The following WDFY4 variants were observed in gnomAD, a reference collection of about 807,000 sequenced individuals.
WDFY4 encodes the protein WDFY family member 4.
In WDFY4, 169 loss-of-function variants were observed where a neutral mutation model predicts 351.9. The observed-to-expected ratio is 0.48, with a 90% CI of 0.42 to 0.55. WDFY4 has a LOEUF of 0.55. Ranked by LOEUF, WDFY4 falls within the 20% of genes least tolerant of loss-of-function variation. The pLI is 0.00. For missense variants in WDFY4, 3,803 were observed against 3,935.6 expected, an observed-to-expected ratio of 0.97 and a Z score of 0.90; for synonymous variants, 1,622 against 1,574.6, an observed-to-expected ratio of 1.03 and a Z score of -0.71.
At chr10:48,905,490 A>G (rs897058005) in intron 47 of WDFY4, among the ~76,000 whole-genome samples, 1 of 152,092 alleles carries the variant, frequency 6.6e-6, no homozygotes, top group East Asian at 1.9e-4. Context: ...TTTATTTCCA[A>G]TGTGATTATT....
At chr10:48,906,305 G>A (rs1837613816) in intron 47 of WDFY4, among the ~76,000 whole-genome samples, 1 of 148,566 alleles carries the variant, frequency 6.7e-6, no homozygotes, top group Non-Finnish European at 1.5e-5. Context: ...CACACATACA[G>A]GAAAATCAGA....
intron 1 of WDFY4, among the ~76,000 whole-genome samples, chr10:48,691,451 T>A (rs2063193681): frequency 6.6e-6 from 1 of 152,132 alleles, no homozygotes; most frequent in Admixed American, 6.5e-5. Flanking sequence ...GCTGCTCTCC[T>A]GTCACGCTGC....
intron 1 of WDFY4, among the ~76,000 whole-genome samples, chr10:48,698,506 A>G (rs2063392463): frequency 6.6e-6 from 1 of 151,570 alleles, no homozygotes; most frequent in Non-Finnish European, 1.5e-5. Flanking sequence ...AGAGGCCTTC[A>G]CCCCACTTCT....
intron 21 of WDFY4, 82 bp from the exon 22 acceptor site, chr10:48,789,792 G>T (rs945961304): frequency 7.5e-7 from 1 of 1,339,674 alleles, no homozygotes; most frequent in Admixed American, 2.0e-5. Context: ...AGGCCCCAGA[G>T]GGCCTGCCCT....
intron 47 of WDFY4, among the ~76,000 whole-genome samples, chr10:48,922,966 G>T (rs1460808635): frequency 6.6e-6 from 1 of 152,140 alleles, no homozygotes; most frequent in Non-Finnish European, 1.5e-5. Context: ...CAGTGATGGT[G>T]GTTACATGAA....
chr10:48,866,755 C>A (rs1039232418), intron 39 of WDFY4, among the ~76,000 whole-genome samples: 1 of 152,166 alleles, frequency 6.6e-6, no homozygotes, highest in Non-Finnish European at 1.5e-5. Context: ...CCCATAAACA[C>A]GTATGTGAAT....
chr10:48,765,214 AC>A (rs2065630799), intron 13 of WDFY4, among the ~76,000 whole-genome samples: 1 of 152,230 alleles, frequency 6.6e-6, no homozygotes, highest in Admixed American at 6.5e-5. Flanking sequence ...CCATTCATTG[AC>A]ATCACTGTCA....
At chr10:48,962,441 G>A (rs971974774) in intron 53 of WDFY4, among the ~76,000 whole-genome samples, 5 of 152,184 alleles carry the variant, frequency 3.3e-5, no homozygotes, top group Non-Finnish European at 7.3e-5. Context: ...GAGGCTCTGG[G>A]CACCTAGCCC....
At chr10:48,950,957 C>T (rs1171373641) in intron 51 of WDFY4, among the ~76,000 whole-genome samples, 3 of 152,246 alleles carry the variant, frequency 2.0e-5, no homozygotes, top group Non-Finnish European at 4.4e-5. Flanking sequence ...GTGGCACACC[C>T]AGTGCGGTCT....
rs944746152 is a variant in WDFY4, at chr10:48,810,609, A to G, written c.4918A>G (p.Thr1640Ala). ...GCAGGGCCACCTGCATGCCAGCACC[A>G]CTGTGCTGGCATTGAAGCTGCTGCT... is the stretch of plus-strand genomic sequence containing the variant. ...LLQGHLHAST[T>A]VLALKLLLYF... Residue 1640 changes from threonine to alanine, a missense_variant, in exon 29 of 62, where the codon ACT becomes GCT. Transcript: ENST00000325239. 6.4e-7 allele frequency: 1 copy of G among 1,551,062 alleles called. No individual in the cohort carries two copies. Among genetic ancestry groups the G allele is most frequent in the Non-Finnish European group, 8.7e-7 (1 of 1,146,804 alleles).
At chr10:48,798,459 A>C (rs2620900) in intron 24 of WDFY4, among the ~76,000 whole-genome samples, 29,157 of 152,122 alleles carry the variant, frequency 0.19, 2,935 homozygotes, top group East Asian at 0.35. Context: ...AGAATACCAC[A>C]GAAGAATGAG....
At chr10:48,836,732 C>T (rs920152579) in intron 39 of WDFY4, among the ~76,000 whole-genome samples, 2 of 152,218 alleles carry the variant, frequency 1.3e-5, no homozygotes, top group Admixed American at 6.5e-5. Context: ...ATTGTGACAT[C>T]ACCCACTATC....
At chr10:48,856,976 T>G (rs1395710714) in intron 39 of WDFY4, among the ~76,000 whole-genome samples, 1 of 152,238 alleles carries the variant, frequency 6.6e-6, no homozygotes, top group Non-Finnish European at 1.5e-5. Context: ...TTGCTCAAAT[T>G]TTATCTTTGG....
chr10:48,811,677 C>T lies in WDFY4; in HGVS notation c.5183C>T (p.Thr1728Ile). 1 of 1,551,790 alleles carries T rather than the reference C, an allele frequency of 6.4e-7. No individual in the cohort carries two copies. The highest frequency in any genetic ancestry group is 8.7e-7 in the Non-Finnish European group (1 of 1,147,010). Residue 1728 changes from threonine to isoleucine, a missense_variant, in exon 30 of 62, where the codon ACA becomes ATA. Thr to Ile is a moderately conservative substitution (Grantham distance 89). This residue lies in a region of WDFY4 where 3,054 missense variants were observed against 3,148.6 expected (regional missense o/e 0.97). Transcript: ENST00000325239. ...ATCGTCTCCACCTTCTTCCTGCAGA[C>T]ACCACTCACAGAGCTGATGGACGGG... ...YLIVSTFFLQ[T>I]PLTELMDGPK... is the part of the protein sequence containing the mutation.
Position 48,731,140 on chromosome 10 carries a change from A to C in WDFY4, c.1160A>C (p.Gln387Pro). 2 of 1,549,178 alleles carry C rather than the reference A, an allele frequency of 1.3e-6. No homozygotes were observed. Among genetic ancestry groups the C allele is most frequent in the Non-Finnish European group, 1.7e-6 (2 of 1,145,050 alleles). The stretch of plus-strand genomic sequence containing the variant: ...ACTGTTAAGAATCTTCAGGCCTTCC[A>C]GGTCCTACAGAATGTTTTCCACAAA... ...GVTVKNLQAF[Q>P]VLQNVFHKAS... Residue 387 changes from glutamine (Q) to proline (P), a missense_variant, in exon 9 of 62, where the codon CAG (glutamine) becomes CCG (proline). This residue lies in a region of WDFY4 where 488 missense variants were observed against 456.8 expected (regional missense o/e 1.07). Transcript: ENST00000325239.
chr10:48,789,102 G>A (rs2066592652), intron 21 of WDFY4, among the ~76,000 whole-genome samples: 1 of 151,874 alleles, frequency 6.6e-6, no homozygotes, highest in Non-Finnish European at 1.5e-5. Context: ...TGAACTCCTG[G>A]GCTCAAGTGA....
chr10:48,692,627 C>A (rs1008752741), intron 1 of WDFY4, among the ~76,000 whole-genome samples: 2 of 152,080 alleles, frequency 1.3e-5, no homozygotes, highest in African/African-American at 2.4e-5. Context: ...TAAGGAGGAA[C>A]GGGATGGGAG....
intron 43 of WDFY4, among the ~76,000 whole-genome samples, chr10:48,882,244 G>C (rs1213682911): frequency 6.6e-6 from 1 of 152,186 alleles, no homozygotes; most frequent in African/African-American, 2.4e-5. Flanking sequence ...GACTGGACTG[G>C]AGCAGGCTGC....
At chr10:48,904,604 G>T (rs150221478) in intron 47 of WDFY4, among the ~76,000 whole-genome samples, 2 of 152,084 alleles carry the variant, frequency 1.3e-5, no homozygotes, top group Non-Finnish European at 2.9e-5. Flanking sequence ...TCTCATAGGC[G>T]TTCTCATCAC....
Sources: allele counts gnomAD v4.1 joint callset (sites outside exome capture counted in the v4.1 genomes callset), GRCh38; gene constraint gnomAD v4.1.1; regional missense constraint gnomAD v4.1.1; transcripts MANE v1.5; gene names NCBI Gene and HGNC (gene_info 2026-07-23, HGNC 2026-07-21).